GSTCD: variants seen among roughly 807,000 people sequenced by gnomAD.
GSTCD encodes the protein glutathione S-transferase C-terminal domain-containing protein.
GSTCD carries 44 observed loss-of-function variants against 68.3 expected under a neutral mutation model. The observed-to-expected ratio is 0.64, with a 90% confidence interval of 0.51 to 0.83. GSTCD has a LOEUF of 0.83. Ranked by LOEUF, GSTCD falls within the 40% of genes least tolerant of loss-of-function variation. The probability of loss-of-function intolerance (pLI) is 0.00; values close to 1 mark genes in which losing one functional copy is unlikely to be tolerated. For missense variants in GSTCD, 739 were observed against 735.9 expected (o/e 1.00, Z -0.05); for synonymous variants, 273 against 255.2 (o/e 1.07, Z -0.67).
At chr4:105,742,903 C>T (rs770675780) in intron 5 of GSTCD, among the ~76,000 whole-genome samples, 16 of 149,542 alleles carry the variant, frequency 1.1e-4, no homozygotes, top group South Asian at 2.1e-4. Context: ...TGTGTAGAGA[C>T]GGAGGTCACA....
At position 105,803,631 on chromosome 4, in the gene GSTCD, C is replaced by T. The variant is rs116908288; in HGVS notation, c.1241-19323C>T. Among the ~76,000 whole-genome samples, 87 of 151,100 alleles carry T rather than the reference C, an allele frequency of 5.8e-4. 1 individual carries two copies. The East Asian group carries it at 0.014, about 24-fold the overall frequency. On this transcript the variant is annotated intron_variant, in intron 5 of 11. Coordinates refer to ENST00000515279, the MANE Select transcript of GSTCD (RefSeq NM_001370181.1). Reference sequence around the variant, plus strand: ...TAATAGCAGAAAAAATTGAAATATCCCAAATGACTATCCACAGGAGAATGG... The same window carrying T: ...TAATAGCAGAAAAAATTGAAATATCTCAAATGACTATCCACAGGAGAATGG...
chr4:105,713,712 A>G (rs749458897), intron 1 of GSTCD, among the ~76,000 whole-genome samples: 5 of 152,114 alleles, frequency 3.3e-5, no homozygotes, highest in African/African-American at 7.2e-5. Context: ...TATTTACCTA[A>G]CATTTGTTGA....
chr4:105,769,233 GCACACACACA>G (rs57039503), intron 5 of GSTCD, among the ~76,000 whole-genome samples: 8,872 of 145,922 alleles, frequency 0.061, 669 homozygotes, highest in African/African-American at 0.18. Context: ...ATACACGCGC[GCACACACACA>G]CACACACACA....
intron 5 of GSTCD, among the ~76,000 whole-genome samples, chr4:105,780,766 T>C (rs1735246740): frequency 6.6e-6 from 1 of 152,236 alleles, no homozygotes; most frequent in Non-Finnish European, 1.5e-5. Flanking sequence ...CAAGTATTGA[T>C]TAATTTAGCA....
At chr4:105,716,414 A>C (rs762189461) in intron 1 of GSTCD, among the ~76,000 whole-genome samples, 1 of 152,188 alleles carries the variant, frequency 6.6e-6, no homozygotes, top group East Asian at 1.9e-4. Flanking sequence ...CTAGTGTTTT[A>C]GCAAGGGTCC....
At chr4:105,832,551 G>A (rs1723940009) in intron 8 of GSTCD, among the ~76,000 whole-genome samples, 1 of 152,162 alleles carries the variant, frequency 6.6e-6, no homozygotes, top group African/African-American at 2.4e-5. Flanking sequence ...AGCCTGAAGA[G>A]GGTTTTGTAG....
intron 1 of GSTCD, among the ~76,000 whole-genome samples, chr4:105,709,845 A>G (rs1280057761): frequency 1.3e-5 from 2 of 152,268 alleles, no homozygotes; most frequent in African/African-American, 4.8e-5. Flanking sequence ...AAAGCTAGCA[A>G]GAACTAGTGA....
chr4:105,802,068 T>C (rs1229950306), intron 5 of GSTCD, among the ~76,000 whole-genome samples: 2 of 152,150 alleles, frequency 1.3e-5, no homozygotes, highest in Non-Finnish European at 2.9e-5. Flanking sequence ...AGGATATAAT[T>C]TATTCTTATT....
At chr4:105,715,430 G>T (rs941952918) in intron 1 of GSTCD, among the ~76,000 whole-genome samples, 2 of 151,948 alleles carry the variant, frequency 1.3e-5, no homozygotes, top group Admixed American at 6.6e-5. Flanking sequence ...AAAAGTTGTT[G>T]CTTTTACAGT....
chr4:105,736,181 G>A (rs1211973388), intron 5 of GSTCD, among the ~76,000 whole-genome samples: 1 of 151,746 alleles, frequency 6.6e-6, no homozygotes, highest in African/African-American at 2.4e-5. Context: ...TTTTGTACTT[G>A]TTATTTCTAA....
At chr4:105,710,232 A>ATTTTTTTTTTTTTTTTTTTTTTTTTT (rs761574598) in intron 1 of GSTCD, among the ~76,000 whole-genome samples, 1 of 85,686 alleles carries the variant, frequency 1.2e-5, no homozygotes, top group Non-Finnish European at 2.0e-5. Flanking sequence ...GGGCCCATCA[A>ATTTTTTTTTTTTTTTTTTTTTTTTTT]TTTTTTTTTT....
intron 5 of GSTCD, among the ~76,000 whole-genome samples, chr4:105,774,064 GGATA>G (rs938340270): frequency 2.6e-5 from 4 of 152,046 alleles, no homozygotes; most frequent in African/African-American, 9.7e-5. Flanking sequence ...TATATATTTA[GGATA>G]GTTAGCTCTT....
At chr4:105,742,839 C>T (rs1733674415) in intron 5 of GSTCD, among the ~76,000 whole-genome samples, 1 of 151,856 alleles carries the variant, frequency 6.6e-6, no homozygotes, top group African/African-American at 2.4e-5. Context: ...CTTATCTTCC[C>T]AATTAGCTAG....
intron 1 of GSTCD, among the ~76,000 whole-genome samples, chr4:105,716,783 G>T (rs887276022): frequency 6.6e-6 from 1 of 152,214 alleles, no homozygotes; most frequent in African/African-American, 2.4e-5. Context: ...ATCTACTTTG[G>T]CTGGAGCAGT....
chr4:105,767,045 C>T (rs983074436), intron 5 of GSTCD, among the ~76,000 whole-genome samples: 11 of 151,846 alleles, frequency 7.2e-5, no homozygotes, highest in Admixed American at 7.2e-4. Context: ...GAGTCGCCCC[C>T]AGAACAGAAT....
At chr4:105,726,168 TATCC>T (rs1361294947) in intron 3 of GSTCD, among the ~76,000 whole-genome samples, 1 of 152,148 alleles carries the variant, frequency 6.6e-6, no homozygotes, top group Non-Finnish European at 1.5e-5. Flanking sequence ...AAATATAGTA[TATCC>T]ACACAATGAC....
chr4:105,745,943 A>AC (rs1331215140), intron 5 of GSTCD, among the ~76,000 whole-genome samples: 1 of 152,198 alleles, frequency 6.6e-6, no homozygotes, highest in African/African-American at 2.4e-5. Context: ...ACATGAAAGT[A>AC]CCATCTTCTA....
At chr4:105,735,029 A>G (rs375402138) in intron 5 of GSTCD, among the ~76,000 whole-genome samples, 2 of 152,178 alleles carry the variant, frequency 1.3e-5, no homozygotes, top group Non-Finnish European at 2.9e-5. Flanking sequence ...CTGCCTGATC[A>G]TTCCTCTGGA....
intron 5 of GSTCD, among the ~76,000 whole-genome samples, chr4:105,744,838 T>A (rs74568699): frequency 0.045 from 6,774 of 152,142 alleles, 210 homozygotes; most frequent in Middle Eastern, 0.13. Flanking sequence ...GTTAATGAAC[T>A]GTTACAGCTT....
Sources: gnomAD v4.1 joint callset for allele counts (sites outside exome capture counted in the v4.1 genomes callset) on GRCh38, gnomAD v4.1.1 for gene constraint, MANE v1.5 for transcripts, NCBI Gene and HGNC (gene_info 2026-07-23, HGNC 2026-07-21) for gene names.